The following TMEM108 variants were observed in gnomAD, a reference collection of about 807,000 sequenced individuals.
The protein encoded by TMEM108 is transmembrane protein 108.
Under a neutral mutation model 35.1 loss-of-function variants are expected in TMEM108, and 12 were observed. The observed-to-expected ratio is 0.34, with a 90% CI of 0.22 to 0.55. The LOEUF (loss-of-function observed/expected upper bound fraction) is 0.55. Among genes scored for constraint, TMEM108 ranks in the 20% least tolerant of loss-of-function variants. The pLI, the probability that TMEM108 is intolerant of heterozygous loss-of-function variation, is 0.89. For synonymous variants in TMEM108, 287 were observed against 308.6 expected (o/e 0.93, Z 0.73); for missense variants, 680 against 753.3 (o/e 0.90, Z 1.14).
At chr3:133,381,285 G>A in intron 4 of TMEM108, 124 bp downstream of exon 4, 1 of 1,049,958 alleles carries the variant, frequency 9.5e-7, no homozygotes, top group Non-Finnish European at 1.4e-6. Context: ...AGAATCTCAG[G>A]AAACTAGGTA....
At chr3:133,202,306 C>T (rs1181554739) in intron 2 of TMEM108, among the ~76,000 whole-genome samples, 1 of 152,184 alleles carries the variant, frequency 6.6e-6, no homozygotes, top group Admixed American at 6.5e-5. Flanking sequence ...AATTAGGCCC[C>T]ATTTGTCAAT....
At chr3:133,062,797 G>A (rs1004422770) in intron 2 of TMEM108, among the ~76,000 whole-genome samples, 11 of 152,120 alleles carry the variant, frequency 7.2e-5, no homozygotes, top group African/African-American at 2.7e-4. Flanking sequence ...TGTGGCTTTC[G>A]AGTGAGATCA....
At chr3:133,066,128 T>A (rs1230101006) in intron 2 of TMEM108, among the ~76,000 whole-genome samples, 1 of 152,164 alleles carries the variant, frequency 6.6e-6, no homozygotes, top group African/African-American at 2.4e-5. Flanking sequence ...TTGGTCTAAG[T>A]AATTCCCATT....
intron 3 of TMEM108, among the ~76,000 whole-genome samples, chr3:133,355,729 G>C (rs1441264017): frequency 1.3e-5 from 2 of 152,160 alleles, no homozygotes; most frequent in Non-Finnish European, 2.9e-5. Flanking sequence ...CTTGCAAAAA[G>C]ATTGGCAGTT....
rs78747872 is a variant in TMEM108 at position 133,083,137 on chromosome 3, C to A, written c.-47+37117C>A. ...TGAGCCTGTGCTTTCAACTACCAAG[C>A]TGTTTCGCCTCTCAAGAGACATTAC... On this transcript the variant is annotated intron_variant, in intron 2 of 5. Coordinates refer to ENST00000321871, the MANE Select transcript of TMEM108 (RefSeq NM_023943.4). Among the ~76,000 whole-genome samples, 512 of 152,164 alleles carry A rather than the reference C, an allele frequency of 3.4e-3. 5 individuals are homozygous for A. Among genetic ancestry groups the A allele is most frequent in the African/African-American group, 0.012 (492 of 41,488 alleles).
intron 2 of TMEM108, among the ~76,000 whole-genome samples, chr3:133,141,173 T>A (rs1158526794): frequency 2.6e-5 from 4 of 152,180 alleles, no homozygotes; most frequent in Non-Finnish European, 5.9e-5. Flanking sequence ...TGGGCACAGA[T>A]CTCTCTAATG....
chr3:133,365,476 G>A (rs1054375306), intron 3 of TMEM108, among the ~76,000 whole-genome samples: 1 of 152,170 alleles, frequency 6.6e-6, no homozygotes, highest in African/African-American at 2.4e-5. Flanking sequence ...GCGTACCTGG[G>A]TTTGTTAAGA....
At chr3:133,182,293 T>TTTGTTTTGATCTAGGAAAATACA (rs1217624317) in intron 2 of TMEM108, among the ~76,000 whole-genome samples, 6 of 152,226 alleles carry the variant, frequency 3.9e-5, no homozygotes, top group Admixed American at 3.9e-4. Flanking sequence ...AAGATGAAAT[T>TTTGTTTTGATCTAGGAAAATACA]TTGTTTTGAT....
intron 2 of TMEM108, among the ~76,000 whole-genome samples, chr3:133,102,101 T>G (rs1944096238): frequency 2.6e-5 from 4 of 152,212 alleles, no homozygotes; most frequent in Admixed American, 2.6e-4. Context: ...CAAGCACAAC[T>G]CGCACAAACA....
chr3:133,331,065 C>T (rs1334097019), intron 3 of TMEM108, among the ~76,000 whole-genome samples: 1 of 151,962 alleles, frequency 6.6e-6, no homozygotes, highest in East Asian at 1.9e-4. Flanking sequence ...GCATGGGAGG[C>T]TTATGATACT....
chr3:133,253,550 T>C (rs1289526794), intron 3 of TMEM108: 1 of 152,174 alleles, frequency 6.6e-6, no homozygotes, highest in African/African-American at 2.4e-5. Context: ...AGAAGAAACA[T>C]AAATTATGAC....
At chr3:133,395,813 A>G in intron 5 of TMEM108, 51 bp from the exon 6 acceptor site, 1 of 1,463,472 alleles carries the variant, frequency 6.8e-7, no homozygotes, top group Non-Finnish European at 9.1e-7. Flanking sequence ...AAGAATGGCC[A>G]CCTCTTAAGC....
chr3:133,073,518 A>C (rs1336714148), intron 2 of TMEM108, among the ~76,000 whole-genome samples: 1,081 of 79,098 alleles, frequency 0.014, 15 homozygotes, highest in African/African-American at 0.047. Flanking sequence ...CTCTATATAT[A>C]TATATATATA....
intron 3 of TMEM108, among the ~76,000 whole-genome samples, chr3:133,359,955 G>A (rs2072292956): frequency 7.4e-6 from 1 of 135,496 alleles, no homozygotes; most frequent in South Asian, 2.5e-4. Flanking sequence ...ATCATCAGAT[G>A]AATGAATATA....
intron 4 of TMEM108, among the ~76,000 whole-genome samples, chr3:133,383,937 A>G (rs540956450): frequency 1.3e-4 from 20 of 152,272 alleles, no homozygotes; most frequent in Non-Finnish European, 2.1e-4. Flanking sequence ...GTCCTCAGTC[A>G]TGGCCCCAAC....
intron 3 of TMEM108, among the ~76,000 whole-genome samples, chr3:133,369,432 C>A (rs1365657570): frequency 1.3e-5 from 2 of 152,168 alleles, no homozygotes; most frequent in Non-Finnish European, 2.9e-5. Context: ...GTGGTACTGA[C>A]AAATAAGCTT....
chr3:133,234,551 C>T (rs954251478), intron 3 of TMEM108, among the ~76,000 whole-genome samples: 11 of 152,238 alleles, frequency 7.2e-5, no homozygotes, highest in East Asian at 1.9e-4. Flanking sequence ...AATTCAACAA[C>T]GCTTCATGCT....
chr3:133,044,961 C>CTTTTT (rs11444221), intron 1 of TMEM108, among the ~76,000 whole-genome samples: 9 of 142,828 alleles, frequency 6.3e-5, no homozygotes, highest in Non-Finnish European at 1.2e-4. Flanking sequence ...TGAAGTGCTG[C>CTTTTT]TTTTTTTTTT....
chr3:133,143,757 C>T (rs935019796), intron 2 of TMEM108, among the ~76,000 whole-genome samples: 15 of 151,998 alleles, frequency 9.9e-5, no homozygotes, highest in African/African-American at 3.4e-4. Flanking sequence ...TGGTTTCCTT[C>T]GTACACAAAG....
Sources: allele counts gnomAD v4.1 joint callset (sites outside exome capture counted in the v4.1 genomes callset), GRCh38; gene constraint gnomAD v4.1.1; transcripts MANE v1.5; gene names NCBI Gene and HGNC (gene_info 2026-07-23, HGNC 2026-07-21).